ADAM32: variants seen among roughly 807,000 people sequenced by gnomAD.
ADAM32 encodes disintegrin and metalloproteinase domain-containing protein 32.
ADAM32 carries 89 observed loss-of-function variants against 114.9 expected under a neutral mutation model. The observed-to-expected ratio is 0.77, with a 90% CI of 0.65 to 0.92. The LOEUF is 0.92. Among genes scored for constraint, ADAM32 ranks in the 40% least tolerant of loss-of-function variants. The pLI is 0.00. For synonymous variants in ADAM32, 285 were observed against 307.5 expected (o/e 0.93, Z 0.77); for missense variants, 870 against 932.8 (o/e 0.93, Z 0.88).
intron 3 of ADAM32, among the ~76,000 whole-genome samples, chr8:39,140,119 AACAGGG>A (rs1803050951): frequency 6.6e-6 from 1 of 152,178 alleles, no homozygotes; most frequent in Non-Finnish European, 1.5e-5. Context: ...GTCATCTGCA[AACAGGG>A]ACAATTTGAC....
intron 16 of ADAM32, among the ~76,000 whole-genome samples, chr8:39,235,265 T>C (rs1810043851): frequency 6.6e-6 from 1 of 152,186 alleles, no homozygotes; most frequent in East Asian, 1.9e-4. Context: ...ACTCTGCCAC[T>C]TACTTGATAG....
chr8:39,213,265 G>A (rs926628876), intron 12 of ADAM32, among the ~76,000 whole-genome samples: 3 of 151,926 alleles, frequency 2.0e-5, no homozygotes, highest in Non-Finnish European at 4.4e-5. Context: ...TATAGAATGC[G>A]TAATGATCAA....
At chr8:39,253,722 C>T (rs953330824) in intron 17 of ADAM32, among the ~76,000 whole-genome samples, 1 of 151,154 alleles carries the variant, frequency 6.6e-6, no homozygotes, top group Non-Finnish European at 1.5e-5. Flanking sequence ...AGGAGGTGAA[C>T]GACTTGTACA....
At chr8:39,243,276 T>G (rs1022788610) in intron 16 of ADAM32, among the ~76,000 whole-genome samples, 1 of 152,160 alleles carries the variant, frequency 6.6e-6, no homozygotes, top group African/African-American at 2.4e-5. Flanking sequence ...TTTTCCTAAA[T>G]TGTTCTATGA....
At chr8:39,248,831 T>C (rs569102747) in intron 17 of ADAM32, among the ~76,000 whole-genome samples, 1 of 152,230 alleles carries the variant, frequency 6.6e-6, no homozygotes, top group Non-Finnish European at 1.5e-5. Flanking sequence ...GTTTGATAGT[T>C]TGTTAGATGA....
chr8:39,129,018 A>T (rs574784227), intron 2 of ADAM32, among the ~76,000 whole-genome samples: 2 of 152,052 alleles, frequency 1.3e-5, no homozygotes, highest in African/African-American at 4.8e-5. Context: ...TTGATTTTTC[A>T]GATTGTTTCT....
chr8:39,204,037 G>A (rs756168084), intron 11 of ADAM32, among the ~76,000 whole-genome samples: 25 of 152,206 alleles, frequency 1.6e-4, no homozygotes, highest in Non-Finnish European at 2.5e-4. Flanking sequence ...GTGGGTAACC[G>A]GACCCGTCTC....
At chr8:39,175,441 G>GT (rs1805465407) in intron 10 of ADAM32, among the ~76,000 whole-genome samples, 1 of 152,128 alleles carries the variant, frequency 6.6e-6, no homozygotes, top group Admixed American at 6.6e-5. Flanking sequence ...TAATCATGTG[G>GT]TTTTTGTCTT....
intron 1 of ADAM32, among the ~76,000 whole-genome samples, chr8:39,117,314 T>G (rs1247711582): frequency 1.3e-5 from 2 of 152,202 alleles, no homozygotes; most frequent in Non-Finnish European, 2.9e-5. Context: ...GTAACTGTGA[T>G]TCCCACAGTT....
At position 39,284,360 on chromosome 8, in the gene ADAM32, TACACACACACACACACGTACACAC is replaced by T. The variant is rs1407765634; in HGVS notation, c.2358-405_2358-382del. Among the ~76,000 whole-genome samples the T allele has an allele frequency of 4.8e-4, 72 of 149,432 alleles. 1 individual carries two copies. Among genetic ancestry groups the T allele is most frequent in the African/African-American group, 1.6e-3 (63 of 40,512 alleles). On this transcript the variant is annotated intron_variant, in intron 24 of 24. Coordinates refer to ENST00000379907, the MANE Select transcript of ADAM32 (RefSeq NM_145004.7). The stretch of plus-strand genomic sequence containing the variant: ...AGATCAAAAGGCCAAAATACTGTTA[TACACACACACACACACGTACACAC>T]ACACACACACACACACGTACACACA...
chr8:39,157,865 C>G, intron 6 of ADAM32: 1 of 551,986 alleles, frequency 1.8e-6, no homozygotes, highest in Non-Finnish European at 3.3e-6. Flanking sequence ...TGAAGTAGCC[C>G]TGACTGATAT....
In ADAM32 at chr8:39,230,051, G is replaced by A. The variant is rs985287682; in HGVS notation, c.1526-1976G>A. 5.3e-5 allele frequency among the ~76,000 whole-genome samples: 8 copies of A among 152,044 alleles called. 1 individual carries two copies. Among genetic ancestry groups the A allele is most frequent in the Admixed American group, 5.2e-4 (8 of 15,270 alleles). ...CATTTATTGCCCTGGTGCCATCCAT[G>A]CACACCTATCTATGACATGCATCCA... On this transcript the variant is annotated intron_variant, in intron 14 of 24. Coordinates refer to ENST00000379907, the MANE Select transcript of ADAM32 (RefSeq NM_145004.7).
chr8:39,153,478 C>T (rs1803968763), intron 6 of ADAM32, among the ~76,000 whole-genome samples: 1 of 152,230 alleles, frequency 6.6e-6, no homozygotes, highest in Non-Finnish European at 1.5e-5. Context: ...GTGGGCTGCC[C>T]TTCAGCCAAC....
At chr8:39,202,415 A>T (rs182766165) in intron 11 of ADAM32, among the ~76,000 whole-genome samples, 19 of 152,274 alleles carry the variant, frequency 1.2e-4, no homozygotes, top group African/African-American at 4.6e-4. Context: ...TTATTTGCGT[A>T]GAGGTGTTTA....
chr8:39,204,092 A>G (rs1045779881), intron 11 of ADAM32, among the ~76,000 whole-genome samples: 6 of 152,146 alleles, frequency 3.9e-5, no homozygotes, highest in Non-Finnish European at 5.9e-5. Context: ...ACTTTGGTGA[A>G]TCTGACAATT....
chr8:39,197,328 A>G (rs1010450851), intron 11 of ADAM32, among the ~76,000 whole-genome samples: 3 of 150,748 alleles, frequency 2.0e-5, no homozygotes, highest in African/African-American at 7.3e-5. Flanking sequence ...GTTCTATTTC[A>G]TTTATTTCTG....
chr8:39,184,551 C>T (rs1374649627), intron 10 of ADAM32, among the ~76,000 whole-genome samples: 1 of 152,192 alleles, frequency 6.6e-6, no homozygotes, highest in Non-Finnish European at 1.5e-5. Context: ...AACTTTAGTT[C>T]TGACTCAGAA....
chr8:39,112,409 C>T (rs1840201554), intron 1 of ADAM32, among the ~76,000 whole-genome samples: 1 of 152,100 alleles, frequency 6.6e-6, no homozygotes, highest in East Asian at 1.9e-4. Flanking sequence ...AGTTTATCAA[C>T]ACTTTCTTAT....
chr8:39,246,534 A>G (rs915789632), intron 17 of ADAM32, among the ~76,000 whole-genome samples: 3 of 152,202 alleles, frequency 2.0e-5, no homozygotes, highest in African/African-American at 7.2e-5. Context: ...ACTTTTAAAA[A>G]TAGACTTTAT....
Sources: allele counts gnomAD v4.1 joint callset (sites outside exome capture counted in the v4.1 genomes callset), GRCh38; gene constraint gnomAD v4.1.1; transcripts MANE v1.5; gene names NCBI Gene and HGNC (gene_info 2026-07-23, HGNC 2026-07-21).